Variants in LRRC37A2 observed in about 807,000 individuals in gnomAD.
LRRC37A2 encodes the protein leucine-rich repeat-containing protein 37A2.
In LRRC37A2, 9 loss-of-function variants were observed where a neutral mutation model predicts 68.8. That is an observed-to-expected ratio of 0.13 (90% CI 0.08 to 0.23). The LOEUF is 0.23. Ranked by LOEUF, LRRC37A2 falls within the 10% of genes least tolerant of loss-of-function variation. The pLI is 1.00. For missense variants in LRRC37A2, 168 were observed against 950.4 expected, an observed-to-expected ratio of 0.18 and a Z score of 10.82; for synonymous variants, 63 against 367.6, an observed-to-expected ratio of 0.17 and a Z score of 9.48.
At chr17:46,707,535 T>C in the LRRC37A2 span, among the ~76,000 whole-genome samples, 1 of 152,116 alleles carries the variant, frequency 6.6e-6, no homozygotes, top group African/African-American at 2.4e-5. Flanking sequence ...AAATAATAAC[T>C]CTTTTTTCCC....
At chr17:46,997,596 A>G in the LRRC37A2 span, among the ~76,000 whole-genome samples, 3 of 152,388 alleles carry the variant, frequency 2.0e-5, no homozygotes, top group East Asian at 5.8e-4. Flanking sequence ...AGAAATGTGT[A>G]TAAATGACAT....
At chr17:46,723,324 T>C in the LRRC37A2 span, among the ~76,000 whole-genome samples, 2 of 152,216 alleles carry the variant, frequency 1.3e-5, no homozygotes, top group Admixed American at 6.5e-5. Flanking sequence ...GAAAAATGTT[T>C]TGAAAAGCAA....
chr17:46,830,398 T>C, the LRRC37A2 span, among the ~76,000 whole-genome samples: 1 of 152,052 alleles, frequency 6.6e-6, no homozygotes, highest in Non-Finnish European at 1.5e-5. Context: ...ACCACAGACA[T>C]GCACCACCGC....
the LRRC37A2 span, among the ~76,000 whole-genome samples, chr17:46,966,344 C>T: frequency 2.0e-5 from 3 of 152,198 alleles, no homozygotes; most frequent in Non-Finnish European, 2.9e-5. Flanking sequence ...AGTGCAGTGG[C>T]ACGATCATGG....
chr17:46,679,611 G>A, the LRRC37A2 span, among the ~76,000 whole-genome samples: 1 of 136,000 alleles, frequency 7.4e-6, no homozygotes, highest in Admixed American at 7.4e-5. Context: ...AGAATTGCTT[G>A]AACCCGGGAG....
chr17:46,723,729 T>C, the LRRC37A2 span, among the ~76,000 whole-genome samples: 1 of 152,134 alleles, frequency 6.6e-6, no homozygotes, highest in Non-Finnish European at 1.5e-5. Context: ...TTTCAGTTCC[T>C]CCTCCTAAAC....
At chr17:46,945,649 A>T in the LRRC37A2 span, among the ~76,000 whole-genome samples, 1 of 152,126 alleles carries the variant, frequency 6.6e-6, no homozygotes, top group Non-Finnish European at 1.5e-5. Flanking sequence ...AGCCCGAGCA[A>T]CAGGATCCAC....
At chr17:46,823,088 T>C in the LRRC37A2 span, among the ~76,000 whole-genome samples, 8 of 91,496 alleles carry the variant, frequency 8.7e-5, no homozygotes, top group South Asian at 1.1e-3. Context: ...TTATAATAAA[T>C]ATGTATTATA....
chr17:46,827,258 C>T, the LRRC37A2 span, among the ~76,000 whole-genome samples: 3 of 152,174 alleles, frequency 2.0e-5, no homozygotes, highest in Admixed American at 6.5e-5. Context: ...GGGACCCATT[C>T]TGCTTGCCAG....
the LRRC37A2 span, chr17:46,929,540 C>A: frequency 6.4e-7 from 1 of 1,567,196 alleles, no homozygotes; most frequent in Non-Finnish European, 8.8e-7. Flanking sequence ...GAGATCCAGT[C>A]TTGCATGGGA....
chr17:46,822,375 T>C, the LRRC37A2 span, among the ~76,000 whole-genome samples: 2 of 152,184 alleles, frequency 1.3e-5, no homozygotes, highest in African/African-American at 2.4e-5. Flanking sequence ...GGCTGCATCC[T>C]GGAAATGCAG....
the LRRC37A2 span, chr17:46,872,601 G>A: frequency 1.5e-4 from 247 of 1,612,496 alleles, no homozygotes; most frequent in South Asian, 1.3e-3. Flanking sequence ...ACCTGAAGCA[G>A]TGTGACCTGC....
chr17:46,492,231 C>T, the LRRC37A2 span, among the ~76,000 whole-genome samples: 3 of 151,270 alleles, frequency 2.0e-5, 1 homozygote, highest in African/African-American at 7.4e-5. Context: ...TCCCATGGTG[C>T]CGGGATTACA....
chr17:46,833,346 A>C, the LRRC37A2 span: 1 of 518,162 alleles, frequency 1.9e-6, no homozygotes, highest in Non-Finnish European at 3.9e-6. Flanking sequence ...TATCAATTGC[A>C]TGAAAGGACG....
chr17:46,795,033 G>T, the LRRC37A2 span, among the ~76,000 whole-genome samples: 1 of 152,052 alleles, frequency 6.6e-6, no homozygotes, highest in Admixed American at 6.6e-5. Context: ...TTACAGGTGT[G>T]AGCCACCATG....
At chr17:47,015,206 C>T in the LRRC37A2 span, among the ~76,000 whole-genome samples, 2 of 152,098 alleles carry the variant, frequency 1.3e-5, no homozygotes, top group Non-Finnish European at 2.9e-5. Context: ...TGGGGTTTCA[C>T]CACGTTGGCC....
chr17:46,932,364 C>A, the LRRC37A2 span: 1 of 728,126 alleles, frequency 1.4e-6, no homozygotes, highest in Admixed American at 2.5e-5. Context: ...GAGACTAGAC[C>A]TAGACAGAGA....
chr17:46,722,114 C>T, the LRRC37A2 span: 2 of 1,611,902 alleles, frequency 1.2e-6, no homozygotes, highest in Admixed American at 3.3e-5. Flanking sequence ...CGGACTCGAA[C>T]TCGTCCGGCT....
At chr17:46,756,797 A>G in the LRRC37A2 span, 1 of 152,668 alleles carries the variant, frequency 6.6e-6, no homozygotes, top group Non-Finnish European at 1.5e-5. Context: ...AGAAAAATCA[A>G]TCATTTTCTA....
Sources: allele counts gnomAD v4.1 joint callset (sites outside exome capture counted in the v4.1 genomes callset), GRCh38; gene constraint gnomAD v4.1.1; transcripts MANE v1.5; gene names NCBI Gene and HGNC (gene_info 2026-07-23, HGNC 2026-07-21).